The following SNTG2 variants were observed in gnomAD, a reference collection of about 807,000 sequenced individuals.
SNTG2 encodes the protein gamma-2-syntrophin.
A neutral mutation model predicts 70.9 loss-of-function variants in SNTG2; 74 were observed. That is an observed-to-expected ratio of 1.04 (90% CI 0.86 to 1.27). The LOEUF is 1.27. Ranked by LOEUF, SNTG2 falls within the 50% of genes most tolerant of loss-of-function variation. The pLI, the probability that SNTG2 is intolerant of heterozygous loss-of-function variation, is 0.00. For synonymous variants in SNTG2, 278 were observed against 273.8 expected (o/e 1.02, Z -0.15); for missense variants, 717 against 690.7 (o/e 1.04, Z -0.43).
chr2:1,320,809 C>T (rs1039698797), intron 16 of SNTG2, among the ~76,000 whole-genome samples: 8 of 152,106 alleles, frequency 5.3e-5, no homozygotes, highest in Admixed American at 3.9e-4. Flanking sequence ...CATAGCTTGG[C>T]GCTCACTGCA....
intron 1 of SNTG2, among the ~76,000 whole-genome samples, chr2:1,076,125 C>G (rs1663900315): frequency 6.6e-6 from 1 of 152,156 alleles, no homozygotes; most frequent in African/African-American, 2.4e-5. Context: ...CCAGTTATAC[C>G]ACCAGTATAC....
intron 1 of SNTG2, among the ~76,000 whole-genome samples, chr2:1,072,521 AAG>A (rs1455448787): frequency 2.0e-5 from 3 of 151,876 alleles, no homozygotes; most frequent in African/African-American, 7.3e-5. Flanking sequence ...CTGAGACAAA[AAG>A]AAAAAAAAGA....
chr2:984,804 G>A (rs1005033947), intron 1 of SNTG2, among the ~76,000 whole-genome samples: 25 of 152,186 alleles, frequency 1.6e-4, no homozygotes, highest in Non-Finnish European at 3.7e-4. Flanking sequence ...CCACGGGGAG[G>A]GAAGCACCCA....
chr2:1,012,177 G>A (rs76995033), intron 1 of SNTG2, among the ~76,000 whole-genome samples: 2,570 of 152,310 alleles, frequency 0.017, 70 homozygotes, highest in African/African-American at 0.052. Flanking sequence ...CAGTGGAGAA[G>A]CCGTAACAAC....
chr2:1,356,421 A>G (rs1660855799), intron 16 of SNTG2, among the ~76,000 whole-genome samples: 1 of 152,226 alleles, frequency 6.6e-6, no homozygotes, highest in Non-Finnish European at 1.5e-5. Flanking sequence ...CAGTTTTCAC[A>G]GCACTATTTA....
intron 9 of SNTG2, among the ~76,000 whole-genome samples, chr2:1,234,718 C>T (rs1466078610): frequency 6.6e-6 from 1 of 152,190 alleles, no homozygotes; most frequent in Non-Finnish European, 1.5e-5. Flanking sequence ...CCTCAGGGGG[C>T]AAAGCTGATG....
intron 14 of SNTG2, among the ~76,000 whole-genome samples, chr2:1,289,964 T>G (rs555955981): frequency 6.6e-6 from 1 of 152,324 alleles, no homozygotes; most frequent in African/African-American, 2.4e-5. Context: ...ATGTCAGAAT[T>G]TCCTTCCTTT....
chr2:1,197,334 G>C (rs1672968768), intron 8 of SNTG2, among the ~76,000 whole-genome samples: 1 of 151,344 alleles, frequency 6.6e-6, no homozygotes, highest in Non-Finnish European at 1.5e-5. Context: ...AATTATATCA[G>C]ATAAAATAGA....
intron 8 of SNTG2, among the ~76,000 whole-genome samples, chr2:1,204,572 C>T (rs2147978497): frequency 6.6e-6 from 1 of 152,270 alleles, no homozygotes; most frequent in African/African-American, 2.4e-5. Flanking sequence ...TTCTGAGTAG[C>T]TGATGAAACC....
At chr2:1,218,292 G>T (rs1414354056) in intron 9 of SNTG2, among the ~76,000 whole-genome samples, 1 of 152,162 alleles carries the variant, frequency 6.6e-6, no homozygotes, top group Admixed American at 6.5e-5. Flanking sequence ...GATTGCATTT[G>T]CAGAATCCCT....
intron 16 of SNTG2, among the ~76,000 whole-genome samples, chr2:1,359,605 T>A (rs1176310236): frequency 6.6e-6 from 1 of 152,190 alleles, no homozygotes; most frequent in East Asian, 1.9e-4. Context: ...TAGGTCTCAA[T>A]GTTTTTGTTG....
At chr2:1,139,540 C>A (rs1474392626) in intron 6 of SNTG2, among the ~76,000 whole-genome samples, 1 of 152,128 alleles carries the variant, frequency 6.6e-6, no homozygotes, top group East Asian at 1.9e-4. Flanking sequence ...TCGGCCACAA[C>A]AAATTTTTGC....
chr2:974,248 C>CT (rs1470861216), intron 1 of SNTG2, among the ~76,000 whole-genome samples: 7 of 152,302 alleles, frequency 4.6e-5, no homozygotes, highest in African/African-American at 1.7e-4. Flanking sequence ...GCTGCTCCTT[C>CT]TGTGGGCTCA....
intron 1 of SNTG2, among the ~76,000 whole-genome samples, chr2:1,041,705 C>T (rs1056801533): frequency 4.6e-5 from 7 of 152,188 alleles, no homozygotes; most frequent in African/African-American, 1.7e-4. Flanking sequence ...CTTGAGGCCT[C>T]CCCAGAAGCC....
At chr2:1,139,279 A>G (rs914354761) in intron 6 of SNTG2, among the ~76,000 whole-genome samples, 1 of 152,096 alleles carries the variant, frequency 6.6e-6, no homozygotes, top group Non-Finnish European at 1.5e-5. Flanking sequence ...CGCCCAGTGT[A>G]GAGTGCAGTG....
At chr2:1,094,175 A>G (rs111654752) in intron 2 of SNTG2, among the ~76,000 whole-genome samples, 396 of 108,280 alleles carry the variant, frequency 3.7e-3, no homozygotes, top group African/African-American at 0.012. Flanking sequence ...GGCAAGGGCC[A>G]GCTTCCTGGC....
intron 16 of SNTG2, among the ~76,000 whole-genome samples, chr2:1,322,059 A>G (rs1349474846): frequency 6.6e-6 from 1 of 152,156 alleles, no homozygotes; most frequent in Non-Finnish European, 1.5e-5. Context: ...TACTTTTAGG[A>G]TGTTTGAACA....
chr2:1,098,682 T>C (rs1233078750), intron 4 of SNTG2, among the ~76,000 whole-genome samples: 1 of 152,184 alleles, frequency 6.6e-6, no homozygotes, highest in Non-Finnish European at 1.5e-5. Context: ...ATATTGATGA[T>C]TCAGGGGTTT....
chr2:1,118,020 C>T (rs1192817853), intron 4 of SNTG2, among the ~76,000 whole-genome samples: 3 of 151,506 alleles, frequency 2.0e-5, no homozygotes, highest in African/African-American at 7.2e-5. Context: ...GGGTCAGAAC[C>T]AGAGCTAAAA....
Sources: gnomAD v4.1 joint callset for allele counts (sites outside exome capture counted in the v4.1 genomes callset) on GRCh38, gnomAD v4.1.1 for gene constraint, MANE v1.5 for transcripts, NCBI Gene and HGNC (gene_info 2026-07-23, HGNC 2026-07-21) for gene names.